The following PTPRN2 variants were observed in gnomAD, a reference collection of about 807,000 sequenced individuals.
The protein encoded by PTPRN2 is receptor-type tyrosine-protein phosphatase N2.
A neutral mutation model predicts 118.8 loss-of-function variants in PTPRN2; 74 were observed. That is an observed-to-expected ratio of 0.62 (90% CI 0.52 to 0.76). PTPRN2 has a LOEUF of 0.76. Among genes scored for constraint, PTPRN2 ranks in the 30% least tolerant of loss-of-function variants. PTPRN2 has a pLI of 0.00. For synonymous variants in PTPRN2, 641 were observed against 608.0 expected, an observed-to-expected ratio of 1.05 and a Z score of -0.80; for missense variants, 1,481 against 1,394.4, an observed-to-expected ratio of 1.06 and a Z score of -0.99.
chr7:158,230,840 T>G (rs1181871320), intron 3 of PTPRN2, among the ~76,000 whole-genome samples: 2 of 152,198 alleles, frequency 1.3e-5, no homozygotes, highest in African/African-American at 2.4e-5. Context: ...TAACATTGAA[T>G]TTAAATGTAC....
intron 3 of PTPRN2, among the ~76,000 whole-genome samples, chr7:158,250,501 G>T (rs778068089): frequency 6.6e-6 from 1 of 151,948 alleles, no homozygotes; most frequent in Non-Finnish European, 1.5e-5. Context: ...CTCAGGTTTT[G>T]CTTTTCTGCA....
chr7:158,401,001 C>A (rs1417403485), intron 2 of PTPRN2, among the ~76,000 whole-genome samples: 1 of 152,194 alleles, frequency 6.6e-6, no homozygotes, highest in Non-Finnish European at 1.5e-5. Flanking sequence ...GTGGGCCCTG[C>A]TCCGCCTCCT....
chr7:158,007,564 G>A (rs2128865745), intron 11 of PTPRN2, among the ~76,000 whole-genome samples: 1 of 152,322 alleles, frequency 6.6e-6, no homozygotes, highest in Admixed American at 6.5e-5. Context: ...GGCCGGTGGT[G>A]ATGAGATGTG....
intron 12 of PTPRN2, among the ~76,000 whole-genome samples, chr7:157,818,165 AG>A (rs1216536418): frequency 6.7e-6 from 1 of 148,808 alleles, no homozygotes; most frequent in Non-Finnish European, 1.5e-5. Context: ...TGTGTGTGGT[AG>A]GTGTGTGGTG....
intron 11 of PTPRN2, chr7:158,028,715 T>C (rs912225949): frequency 6.6e-6 from 1 of 152,286 alleles, no homozygotes; most frequent in Non-Finnish European, 1.5e-5. Context: ...CCCTAATTTT[T>C]TTGAACACTG....
intron 12 of PTPRN2, among the ~76,000 whole-genome samples, chr7:157,789,083 A>G (rs77764725): frequency 0.018 from 2,807 of 152,304 alleles, 79 homozygotes; most frequent in South Asian, 0.12. Flanking sequence ...GAGCGTCACA[A>G]AAATTCTAGG....
intron 2 of PTPRN2, among the ~76,000 whole-genome samples, chr7:158,486,749 T>C (rs928971216): frequency 6.6e-6 from 1 of 152,236 alleles, no homozygotes; most frequent in African/African-American, 2.4e-5. Flanking sequence ...TGCAGTTTCA[T>C]AGTTCCAATT....
intron 1 of PTPRN2, among the ~76,000 whole-genome samples, chr7:158,562,938 G>A (rs1586947757): frequency 6.6e-6 from 1 of 152,212 alleles, no homozygotes; most frequent in South Asian, 2.1e-4. Context: ...GTCCCCATCC[G>A]TTCCAGCATT....
intron 6 of PTPRN2, among the ~76,000 whole-genome samples, chr7:158,152,730 G>A (rs1460387009): frequency 2.0e-5 from 3 of 152,086 alleles, no homozygotes; most frequent in Non-Finnish European, 4.4e-5. Context: ...ACCCTGGCAG[G>A]CACACACACA....
intron 5 of PTPRN2, among the ~76,000 whole-genome samples, chr7:158,188,209 G>A (rs1825364592): frequency 1.6e-5 from 1 of 62,242 alleles, no homozygotes; most frequent in Non-Finnish European, 3.8e-5. Flanking sequence ...CGCCACGCTC[G>A]CCGCCTGATG....
At chr7:157,919,316 T>A (rs1295704647) in intron 11 of PTPRN2, among the ~76,000 whole-genome samples, 1 of 152,198 alleles carries the variant, frequency 6.6e-6, no homozygotes, top group African/African-American at 2.4e-5. Flanking sequence ...ATTAAAAATA[T>A]TATTTTCAAT....
intron 11 of PTPRN2, among the ~76,000 whole-genome samples, chr7:157,907,750 C>T (rs866306773): frequency 3.3e-5 from 5 of 151,822 alleles, no homozygotes; most frequent in South Asian, 2.1e-4. Context: ...TGGGGTGTCC[C>T]GGGCTGGGCC....
intron 2 of PTPRN2, among the ~76,000 whole-genome samples, chr7:158,412,174 A>G (rs1299543511): frequency 2.7e-4 from 25 of 92,272 alleles, no homozygotes; most frequent in South Asian, 1.0e-3. Flanking sequence ...ACCCTCCTCA[A>G]CACCAGGGCC....
chr7:158,262,998 G>GCA (rs558237286), intron 3 of PTPRN2, among the ~76,000 whole-genome samples: 5 of 140,042 alleles, frequency 3.6e-5, no homozygotes, highest in Non-Finnish European at 6.1e-5. Context: ...CACACACATT[G>GCA]CACACACACA....
intron 19 of PTPRN2, 101 bp downstream of exon 19, chr7:157,576,512 G>GCGGCCCT: frequency 4.8e-6 from 6 of 1,241,950 alleles, no homozygotes; most frequent in Non-Finnish European, 5.4e-6. Context: ...CGACACAGAC[G>GCGGCCCT]CGGCCCTCGG....
chr7:157,767,645 G>A (rs1411838049), intron 12 of PTPRN2, among the ~76,000 whole-genome samples: 7 of 152,214 alleles, frequency 4.6e-5, no homozygotes, highest in Non-Finnish European at 7.3e-5. Context: ...TCTGCCTTCC[G>A]TGGTCACAGG....
chr7:158,390,075 G>A (rs1003835623), intron 2 of PTPRN2, among the ~76,000 whole-genome samples: 6 of 152,238 alleles, frequency 3.9e-5, no homozygotes, highest in Non-Finnish European at 7.3e-5. Context: ...ACTCAGCTGC[G>A]TTTATTCAAA....
Position 158,009,819 on chromosome 7 carries a change from G to C in PTPRN2, c.1723+71479C>G, listed in dbSNP as rs145752642. Among the ~76,000 whole-genome samples, 3 of 152,292 alleles carry C rather than the reference G, an allele frequency of 2.0e-5. No individual in the cohort carries two copies. In the East Asian group the frequency reaches 5.8e-4, roughly 29 times the overall value. On this transcript the variant is annotated intron_variant, in intron 11 of 22. Coordinates refer to ENST00000389418, the MANE Select transcript of PTPRN2 (RefSeq NM_002847.5). ...ACCAAGCATTTAAATTTCTGATTTG[G>C]ATCTATGAGCATTGCTAATGACACA...
intron 11 of PTPRN2, among the ~76,000 whole-genome samples, chr7:158,048,175 AC>A (rs1335554454): frequency 6.6e-6 from 1 of 152,052 alleles, no homozygotes; most frequent in East Asian, 1.9e-4. Flanking sequence ...CATTCTTTCA[AC>A]TTTTCTGTTT....
Sources: gnomAD v4.1 joint callset for allele counts (sites outside exome capture counted in the v4.1 genomes callset) on GRCh38, gnomAD v4.1.1 for gene constraint, MANE v1.5 for transcripts, NCBI Gene and HGNC (gene_info 2026-07-23, HGNC 2026-07-21) for gene names.